CNTN6: variants seen among roughly 807,000 people sequenced by gnomAD.
CNTN6 encodes the protein contactin-6.
CNTN6 carries 137 observed loss-of-function variants against 122.8 expected under a neutral mutation model. The observed-to-expected ratio is 1.12, with a 90% CI of 0.97 to 1.29. The LOEUF is 1.29. Among genes scored for constraint, CNTN6 ranks in the 50% most tolerant of loss-of-function variants. The pLI is 0.00. For synonymous variants in CNTN6, 570 were observed against 426.0 expected (o/e 1.34, Z -4.16); for missense variants, 1,634 against 1,223.4 (o/e 1.34, Z -5.01).
intron 20 of CNTN6, among the ~76,000 whole-genome samples, chr3:1,389,171 G>C (rs563434041): frequency 8.7e-5 from 13 of 149,646 alleles, no homozygotes; most frequent in African/African-American, 2.2e-4. Flanking sequence ...GAGAAAGGTC[G>C]GGTTACCCTC....
intron 4 of CNTN6, among the ~76,000 whole-genome samples, chr3:1,237,263 T>C (rs969629007): frequency 6.6e-6 from 1 of 151,594 alleles, no homozygotes. Context: ...GTCTAAGCAA[T>C]AGAATCAAAC....
In CNTN6 at chr3:1,268,469, C is replaced by T. The variant is rs373598002; in HGVS notation, c.359-9944C>T. Among the ~76,000 whole-genome samples the T allele has an allele frequency of 1.7e-3, 259 of 151,630 alleles. 2 individuals carry two copies. The highest frequency in any genetic ancestry group is 0.014 in the Middle Eastern group (4 of 294). On this transcript the variant is annotated intron_variant, in intron 4 of 22. Transcript: ENST00000446702. ...AAAAATATAAAAAATTAGCCAGGCG[C>T]GGTGGCAGGTGCCTGTAGTCCCAGC...
intron 2 of CNTN6, among the ~76,000 whole-genome samples, chr3:1,206,151 G>C (rs989196838): frequency 6.6e-6 from 1 of 152,010 alleles, no homozygotes; most frequent in Non-Finnish European, 1.5e-5. Flanking sequence ...AAGTTTTCCT[G>C]ATATGTCCTA....
At chr3:1,402,827 A>G (rs1470469332) in intron 22 of CNTN6, 3 of 213,080 alleles carry the variant, frequency 1.4e-5, no homozygotes, top group African/African-American at 6.9e-5. Flanking sequence ...AATGGCAAAT[A>G]TGAAGCACAG....
rs765430384 is a variant in CNTN6, at chr3:1,372,495, A to T, written c.1668+21A>T. On this transcript the variant is annotated intron_variant, in intron 13 of 22. Coordinates refer to ENST00000446702, the MANE Select transcript of CNTN6 (RefSeq NM_001289080.2). ...GAGGAGTAAGTTACTGAAATTGTTA[A>T]GTGCTTAATAAAATGAATCAAGTCT... 2.5e-6 allele frequency: 4 copies of T among 1,571,696 alleles called. No individual in the cohort carries two copies. In the South Asian group the frequency reaches 3.5e-5, roughly 14 times the overall value.
rs1450516920 is a variant in CNTN6 at position 1,331,954 on chromosome 3, A to AT, written c.1364+2023dup. On this transcript the variant is annotated intron_variant, in intron 11 of 22. Coordinates refer to ENST00000446702, the MANE Select transcript of CNTN6 (RefSeq NM_001289080.2). ...TCCCATACAGAATAAATTTGGGGTCATTTTCACCTCACCACAGTTACTAAT... is the reference window on the plus strand; with the variant it reads ...TCCCATACAGAATAAATTTGGGGTCATTTTTCACCTCACCACAGTTACTAAT... Among the ~76,000 whole-genome samples, 16 of 151,990 alleles carry AT rather than the reference A, an allele frequency of 1.1e-4. No individual in the cohort carries two copies. In the South Asian group the frequency reaches 1.2e-3, roughly 12 times the overall value.
intron 12 of CNTN6, among the ~76,000 whole-genome samples, chr3:1,363,161 A>G (rs1707726636): frequency 6.6e-6 from 1 of 151,924 alleles, no homozygotes; most frequent in African/African-American, 2.4e-5. Flanking sequence ...ACTTATGTGC[A>G]ATAAAGTGGT....
At chr3:1,400,728 C>G (rs1007323854) in intron 20 of CNTN6, among the ~76,000 whole-genome samples, 1 of 152,042 alleles carries the variant, frequency 6.6e-6, no homozygotes, top group African/African-American at 2.4e-5. Flanking sequence ...TATCTCTGAA[C>G]AGAGGAGGTT....
At chr3:1,236,818 C>T (rs879405040) in intron 4 of CNTN6, among the ~76,000 whole-genome samples, 4 of 152,126 alleles carry the variant, frequency 2.6e-5, no homozygotes, top group Non-Finnish European at 5.9e-5. Flanking sequence ...CGGTGGCTCA[C>T]GCCTGTAATC....
chr3:1,294,496 G>C (rs1450951439), intron 5 of CNTN6, among the ~76,000 whole-genome samples: 1 of 152,154 alleles, frequency 6.6e-6, no homozygotes, highest in African/African-American at 2.4e-5. Context: ...ACTTGGGGAA[G>C]GATGGTTACA....
intron 1 of CNTN6, among the ~76,000 whole-genome samples, chr3:1,096,890 T>C (rs1488532313): frequency 6.6e-6 from 1 of 152,222 alleles, no homozygotes; most frequent in Non-Finnish European, 1.5e-5. Flanking sequence ...GCTTCGTTTT[T>C]TATCTGCACC....
At chr3:1,345,357 T>C (rs144218365) in intron 11 of CNTN6, among the ~76,000 whole-genome samples, 2,828 of 152,108 alleles carry the variant, frequency 0.019, 87 homozygotes, top group African/African-American at 0.064. Flanking sequence ...CTCAAGTGAT[T>C]CACCCACCCT....
intron 4 of CNTN6, among the ~76,000 whole-genome samples, chr3:1,245,912 GCTAAAAAAAAA>G (rs1391387514): frequency 8.7e-5 from 13 of 149,472 alleles, no homozygotes; most frequent in African/African-American, 3.2e-4. Context: ...TAGCTGATGA[GCTAAAAAAAAA>G]ATTGCAAAAA....
At chr3:1,261,953 T>C (rs565270640) in intron 4 of CNTN6, among the ~76,000 whole-genome samples, 1 of 152,286 alleles carries the variant, frequency 6.6e-6, no homozygotes, top group Admixed American at 6.5e-5. Flanking sequence ...GGTTAGTTTT[T>C]AGTTGTTCTT....
intron 4 of CNTN6, among the ~76,000 whole-genome samples, chr3:1,240,329 AAAAC>A (rs1247065097): frequency 1.3e-5 from 2 of 152,210 alleles, no homozygotes. Context: ...CAGCAAGAAA[AAAAC>A]AAACAATCCC....
rs149103624 is a variant in CNTN6, at chr3:1,270,973, G to A, written c.359-7440G>A. Among the ~76,000 whole-genome samples the A allele has an allele frequency of 2.2e-3, 332 of 152,248 alleles. 2 individuals carry two copies. The highest frequency in any genetic ancestry group is 7.4e-3 in the African/African-American group (309 of 41,540). ...GCTAGAGTGTGGAGTGCAGTTGTGCGATCTTGGCTCACTGCAACCTCTGCT... is the reference window on the plus strand; with the variant it reads ...GCTAGAGTGTGGAGTGCAGTTGTGCAATCTTGGCTCACTGCAACCTCTGCT... On this transcript the variant is annotated intron_variant, in intron 4 of 22. Coordinates refer to ENST00000446702, the MANE Select transcript of CNTN6 (RefSeq NM_001289080.2).
At chr3:1,333,178 G>A (rs1702558606) in intron 11 of CNTN6, among the ~76,000 whole-genome samples, 1 of 151,962 alleles carries the variant, frequency 6.6e-6, no homozygotes, top group African/African-American at 2.4e-5. Context: ...CAGGGACAGA[G>A]TATTGCACAT....
chr3:1,099,318 G>T (rs1021667041), intron 1 of CNTN6, among the ~76,000 whole-genome samples: 6 of 151,412 alleles, frequency 4.0e-5, no homozygotes, highest in Admixed American at 1.3e-4. Flanking sequence ...GGGTGTGGTG[G>T]CGGGCGCCTG....
chr3:1,234,723 T>C (rs943242276), intron 4 of CNTN6, among the ~76,000 whole-genome samples: 1 of 152,162 alleles, frequency 6.6e-6, no homozygotes, highest in African/African-American at 2.4e-5. Flanking sequence ...ACAAAAGCCA[T>C]GAAGAAATAT....
Sources: gnomAD v4.1 joint callset for allele counts (sites outside exome capture counted in the v4.1 genomes callset) on GRCh38, gnomAD v4.1.1 for gene constraint, MANE v1.5 for transcripts, NCBI Gene and HGNC (gene_info 2026-07-23, HGNC 2026-07-21) for gene names.